STAG1: variants seen among roughly 807,000 people sequenced by gnomAD.
STAG1 encodes cohesin subunit SA-1.
A neutral mutation model predicts 170.9 loss-of-function variants in STAG1; 26 were observed. The observed-to-expected ratio is 0.15, with a 90% confidence interval of 0.11 to 0.21. STAG1 has a LOEUF of 0.21. Ranked by LOEUF, STAG1 falls within the 10% of genes least tolerant of loss-of-function variation. STAG1 has a pLI of 1.00. For synonymous variants in STAG1, 514 were observed against 497.7 expected (o/e 1.03, Z -0.44); for missense variants, 964 against 1,509.5 (o/e 0.64, Z 5.99).
chr3:136,646,294 G>A (rs1941010183), intron 1 of STAG1, among the ~76,000 whole-genome samples: 1 of 152,062 alleles, frequency 6.6e-6, no homozygotes. Flanking sequence ...TGGCTCAGGT[G>A]GAATCTTAAT....
chr3:136,365,015 A>G (rs1937021637), intron 25 of STAG1, among the ~76,000 whole-genome samples: 1 of 152,208 alleles, frequency 6.6e-6, no homozygotes, highest in Non-Finnish European at 1.5e-5. Flanking sequence ...TTATGTACAA[A>G]AATTGGAGGA....
intron 7 of STAG1, among the ~76,000 whole-genome samples, chr3:136,519,476 G>A (rs377328360): frequency 9.9e-5 from 15 of 151,942 alleles, no homozygotes; most frequent in African/African-American, 3.6e-4. Flanking sequence ...AAGTAAATTC[G>A]TTAATTCTTA....
intron 16 of STAG1, among the ~76,000 whole-genome samples, chr3:136,429,233 C>G (rs939727958): frequency 6.6e-6 from 1 of 152,156 alleles, no homozygotes; most frequent in Non-Finnish European, 1.5e-5. Flanking sequence ...GTGGCGAAAC[C>G]CTGTGTCTAC....
At chr3:136,375,075 T>C (rs900965398) in intron 23 of STAG1, among the ~76,000 whole-genome samples, 6 of 152,204 alleles carry the variant, frequency 3.9e-5, no homozygotes, top group Non-Finnish European at 4.4e-5. Context: ...TGGTAGGCAA[T>C]ACCATTTGTT....
At chr3:136,476,194 C>G (rs2089744685) in intron 10 of STAG1, among the ~76,000 whole-genome samples, 1 of 152,150 alleles carries the variant, frequency 6.6e-6, no homozygotes, top group Non-Finnish European at 1.5e-5. Context: ...AAGGCAGGTG[C>G]CTATAGGACA....
intron 26 of STAG1, among the ~76,000 whole-genome samples, chr3:136,361,628 A>G (rs905726240): frequency 1.3e-5 from 2 of 152,238 alleles, no homozygotes; most frequent in East Asian, 3.9e-4. Flanking sequence ...TATTATTATT[A>G]GAAATGGGGT....
intron 14 of STAG1, among the ~76,000 whole-genome samples, chr3:136,448,886 TGGAGATTGCACCACTG>T (rs2088859351): frequency 6.6e-6 from 1 of 151,582 alleles, no homozygotes; most frequent in African/African-American, 2.4e-5. Flanking sequence ...TTGCAGTGAG[TGGAGATTGCACCACTG>T]CACTCCAGCA....
intron 16 of STAG1, among the ~76,000 whole-genome samples, chr3:136,427,933 A>C (rs951330836): frequency 7.9e-5 from 12 of 152,232 alleles, no homozygotes; most frequent in Non-Finnish European, 1.6e-4. Flanking sequence ...AAGAGGTTTC[A>C]CTTTAAAAAT....
At chr3:136,618,980 T>C (rs1195167360) in intron 3 of STAG1, among the ~76,000 whole-genome samples, 4 of 152,058 alleles carry the variant, frequency 2.6e-5, no homozygotes, top group African/African-American at 7.2e-5. Context: ...GATACCAAAA[T>C]ACTTATCTCT....
At chr3:136,667,654 C>T (rs1276672513) in intron 1 of STAG1, among the ~76,000 whole-genome samples, 1 of 152,002 alleles carries the variant, frequency 6.6e-6, no homozygotes, top group East Asian at 1.9e-4. Flanking sequence ...TGCCACCACG[C>T]CCAGCTAAGT....
chr3:136,470,513 T>C (rs533979482), intron 12 of STAG1, among the ~76,000 whole-genome samples: 6 of 152,226 alleles, frequency 3.9e-5, no homozygotes, highest in East Asian at 1.9e-4. Flanking sequence ...TGGGGAGAAA[T>C]AGGAACACTT....
intron 5 of STAG1, among the ~76,000 whole-genome samples, chr3:136,549,723 G>GGTGA (rs1936308744): frequency 6.6e-6 from 1 of 151,664 alleles, no homozygotes; most frequent in African/African-American, 2.4e-5. Flanking sequence ...GAATAGAAGT[G>GGTGA]GTGAGAGTGG....
rs919296377 is a variant in STAG1, at chr3:136,344,020, G to C, written c.3272-14C>G. The C allele has an allele frequency of 3.9e-6, 6 of 1,556,178 alleles. No individual in the cohort carries two copies. In the African/African-American group the frequency reaches 5.5e-5, roughly 14 times the overall value. On this transcript the variant is annotated splice_polypyrimidine_tract_variant and intron_variant, in intron 29 of 33. Coordinates refer to ENST00000383202, the MANE Select transcript of STAG1 (RefSeq NM_005862.3). ...CCAGACTCTCATCTGTAAAATTCCA[G>C]TTAAGGTCACACAATGTCGTGGGTG...
At chr3:136,709,651 C>T (rs1472035799) in intron 1 of STAG1, among the ~76,000 whole-genome samples, 6 of 152,006 alleles carry the variant, frequency 3.9e-5, no homozygotes, top group Admixed American at 3.9e-4. Flanking sequence ...AGGAAGATCA[C>T]TTGATCCCAG....
chr3:136,623,941 C>T lies in STAG1; in HGVS notation c.30-693G>A, dbSNP rs1321072264. Among the ~76,000 whole-genome samples the T allele has an allele frequency of 2.0e-5, 3 of 152,034 alleles. No individual in the cohort carries two copies. In the East Asian group the frequency reaches 5.8e-4, roughly 29 times the overall value. On this transcript the variant is annotated intron_variant, in intron 2 of 33. Coordinates refer to ENST00000383202, the MANE Select transcript of STAG1 (RefSeq NM_005862.3). ...CTCCAGCCTGGGCAACAGGGCAATA[C>T]TCTGTCTGAAAACAAAATAAACCAA...
At position 136,566,003 on chromosome 3, in the gene STAG1, A is replaced by G. The variant is rs533488189; in HGVS notation, c.394+2762T>C. Among the ~76,000 whole-genome samples, 5 of 152,342 alleles carry G rather than the reference A, an allele frequency of 3.3e-5. No homozygotes were observed. The East Asian group carries it at 7.7e-4, about 24-fold the overall frequency. ...ATCCTCAGGGACAGAAAGTAGATTCATGATTGCCAGTGATGGGGGAGAAAA... is the reference window on the plus strand; with the variant it reads ...ATCCTCAGGGACAGAAAGTAGATTCGTGATTGCCAGTGATGGGGGAGAAAA... On this transcript the variant is annotated intron_variant, in intron 5 of 33. Coordinates refer to ENST00000383202, the MANE Select transcript of STAG1 (RefSeq NM_005862.3).
chr3:136,668,563 A>C (rs1313373937), intron 1 of STAG1, among the ~76,000 whole-genome samples: 3 of 151,924 alleles, frequency 2.0e-5, no homozygotes, highest in Non-Finnish European at 4.4e-5. Flanking sequence ...GTAAGCATAG[A>C]GAAAGCCTTC....
intron 1 of STAG1, among the ~76,000 whole-genome samples, chr3:136,724,047 C>T (rs1227116219): frequency 3.3e-5 from 5 of 149,492 alleles, no homozygotes; most frequent in African/African-American, 4.9e-5. Flanking sequence ...GCCCGGCCGC[C>T]CCTACTGGGA....
intron 28 of STAG1, among the ~76,000 whole-genome samples, chr3:136,356,856 G>A (rs1370960061): frequency 1.3e-5 from 2 of 151,844 alleles, no homozygotes; most frequent in African/African-American, 4.8e-5. Context: ...GGGTTCAAGC[G>A]ATTCTTGTGC....
Sources: allele counts gnomAD v4.1 joint callset (sites outside exome capture counted in the v4.1 genomes callset), GRCh38; gene constraint gnomAD v4.1.1; transcripts MANE v1.5; gene names NCBI Gene and HGNC (gene_info 2026-07-23, HGNC 2026-07-21).